PPP1R21: variants seen among roughly 807,000 people sequenced by gnomAD.
The protein encoded by PPP1R21 is KLRAQ motif containing 1.
Under a neutral mutation model 112.8 loss-of-function variants are expected in PPP1R21, and 85 were observed. The ratio of observed to expected loss-of-function variants is 0.75; its 90% confidence interval spans 0.63 to 0.90. PPP1R21 has a LOEUF of 0.90. Ranked by LOEUF, PPP1R21 falls within the 40% of genes least tolerant of loss-of-function variation. PPP1R21 has a pLI of 0.00. For synonymous variants in PPP1R21, 381 were observed against 322.3 expected, an observed-to-expected ratio of 1.18 and a Z score of -1.95; for missense variants, 1,199 against 901.5, an observed-to-expected ratio of 1.33 and a Z score of -4.23.
intron 20 of PPP1R21, among the ~76,000 whole-genome samples, chr2:48,510,916 C>A (rs1670609458): frequency 6.6e-6 from 1 of 152,236 alleles, no homozygotes; most frequent in Non-Finnish European, 1.5e-5. Context: ...ACTTTGGAGG[C>A]TGAGAAAAAC....
At chr2:48,475,124 G>T (rs1668692393) in intron 12 of PPP1R21, among the ~76,000 whole-genome samples, 1 of 152,102 alleles carries the variant, frequency 6.6e-6, no homozygotes, top group Non-Finnish European at 1.5e-5. Flanking sequence ...AGGCTGAGGT[G>T]GGAGGATGGC....
chr2:48,450,962 C>T, intron 1 of PPP1R21, 46 bp from the exon 2 acceptor site: 1 of 1,504,078 alleles, frequency 6.6e-7, no homozygotes, highest in Non-Finnish European at 9.3e-7. Context: ...TTGATATAAC[C>T]AATTGCTTTA....
intron 21 of PPP1R21, 94 bp downstream of exon 21, chr2:48,511,562 A>T (rs1670644856): frequency 6.7e-7 from 1 of 1,486,502 alleles, no homozygotes; most frequent in Non-Finnish European, 9.1e-7. Context: ...AGGACATAAG[A>T]TTTAAAGTGT....
At chr2:48,478,724 T>G (rs528969467) in intron 12 of PPP1R21, among the ~76,000 whole-genome samples, 72 of 152,216 alleles carry the variant, frequency 4.7e-4, no homozygotes, top group Non-Finnish European at 4.7e-4. Flanking sequence ...TTCTGTTTCC[T>G]GTTCTCTCTG....
intron 2 of PPP1R21, among the ~76,000 whole-genome samples, chr2:48,453,821 TGAA>T (rs1311281110): frequency 1.3e-5 from 2 of 152,258 alleles, no homozygotes; most frequent in Non-Finnish European, 2.9e-5. Flanking sequence ...TCAGAATAGT[TGAA>T]GAACAATTAA....
At chr2:48,474,072 T>G (rs892576841) in intron 11 of PPP1R21, among the ~76,000 whole-genome samples, 3 of 152,214 alleles carry the variant, frequency 2.0e-5, no homozygotes, top group Admixed American at 6.5e-5. Flanking sequence ...ATTTTAATGA[T>G]TTTTAACATT....
chr2:48,459,547 G>A (rs1229012176), intron 4 of PPP1R21, among the ~76,000 whole-genome samples: 1 of 152,128 alleles, frequency 6.6e-6, no homozygotes, highest in Non-Finnish European at 1.5e-5. Flanking sequence ...ACTCTTTTAA[G>A]CTTGAGTTTC....
chr2:48,482,518 G>C (rs1363950405), intron 13 of PPP1R21, among the ~76,000 whole-genome samples: 2 of 152,136 alleles, frequency 1.3e-5, no homozygotes, highest in Non-Finnish European at 2.9e-5. Flanking sequence ...TTGTTTTGAA[G>C]GAAACTTATT....
chr2:48,499,045 A>G (rs1451738415), intron 17 of PPP1R21, among the ~76,000 whole-genome samples: 2 of 150,470 alleles, frequency 1.3e-5, no homozygotes, highest in African/African-American at 4.9e-5. Flanking sequence ...TTGTAAGGGT[A>G]TTAATCCTAT....
chr2:48,503,649 A>C (rs1372365599), intron 17 of PPP1R21, among the ~76,000 whole-genome samples: 2 of 152,130 alleles, frequency 1.3e-5, no homozygotes, highest in African/African-American at 4.8e-5. Context: ...AATCTGTGTT[A>C]AAGGCTTTCC....
At chr2:48,507,627 A>G (rs1670443067) in intron 19 of PPP1R21, among the ~76,000 whole-genome samples, 1 of 151,970 alleles carries the variant, frequency 6.6e-6, no homozygotes, top group African/African-American at 2.4e-5. Flanking sequence ...TCGACCTCCC[A>G]AAGTGCTGGG....
In PPP1R21 at chr2:48,498,510, A is replaced by G; in HGVS notation, c.1710A>G (p.Glu570=). The change falls in exon 17 of 22, where the codon GAA becomes GAG. Residue 570 remains glutamate, a synonymous_variant. Transcript: ENST00000294952. ...TTTTCAAGGTTCAACAGAGTTTGGA[A>G]AAGATTTCTAAACTGGAGCAGGAAA... ...GLAQQVQQSL[E]KISKLEQEKE... 1 of 1,614,182 alleles carries G rather than the reference A, an allele frequency of 6.2e-7. No homozygotes were observed. The highest frequency in any genetic ancestry group is 8.5e-7 in the Non-Finnish European group (1 of 1,180,002).
chr2:48,497,228 C>T (rs1245957568), intron 16 of PPP1R21, among the ~76,000 whole-genome samples: 1 of 152,152 alleles, frequency 6.6e-6, no homozygotes, highest in Non-Finnish European at 1.5e-5. Flanking sequence ...AGCTGATGTC[C>T]ACAACAAAAC....
chr2:48,451,863 C>A (rs1014942312), intron 2 of PPP1R21, among the ~76,000 whole-genome samples: 1 of 152,168 alleles, frequency 6.6e-6, no homozygotes, highest in Non-Finnish European at 1.5e-5. Context: ...AGTAATATGT[C>A]TGAGGTGGCT....
Position 48,491,235 on chromosome 2 carries a change from A to G in PPP1R21, c.1599+65A>G, listed in dbSNP as rs762225087. On this transcript the variant is annotated intron_variant, in intron 15 of 21. Transcript: ENST00000294952. Reference sequence around the variant, plus strand: ...TCAGGAGTCATTCTAGAGAATGGCAAGAGTTTTTCTGCAGTTTATATTGTT... The same window carrying G: ...TCAGGAGTCATTCTAGAGAATGGCAGGAGTTTTTCTGCAGTTTATATTGTT... 10 of 1,537,018 alleles carry G rather than the reference A, an allele frequency of 6.5e-6. No homozygotes were observed. In the Admixed American group the frequency reaches 1.2e-4, roughly 18 times the overall value.
At chr2:48,443,606 C>T (rs1018303035) in intron 1 of PPP1R21, among the ~76,000 whole-genome samples, 5 of 152,128 alleles carry the variant, frequency 3.3e-5, no homozygotes, top group Non-Finnish European at 5.9e-5. Flanking sequence ...GGTCATCTCC[C>T]CTATTGGACC....
At position 48,449,498 on chromosome 2, in the gene PPP1R21, T is replaced by G. The variant is rs532023341; in HGVS notation, c.58-1510T>G. Reference sequence around the variant, plus strand: ...GTGGTAATGAACTGTCATCTCTAACTTTCTAAAAATAGAAGAATCTCATCT... The same window carrying G: ...GTGGTAATGAACTGTCATCTCTAACGTTCTAAAAATAGAAGAATCTCATCT... On this transcript the variant is annotated intron_variant, in intron 1 of 21. Coordinates refer to ENST00000294952, the MANE Select transcript of PPP1R21 (RefSeq NM_001135629.3). Among the ~76,000 whole-genome samples, 10 of 152,330 alleles carry G rather than the reference T, an allele frequency of 6.6e-5. No individual in the cohort carries two copies. The East Asian group carries it at 1.9e-3, about 29-fold the overall frequency.
intron 2 of PPP1R21, among the ~76,000 whole-genome samples, chr2:48,452,033 T>C (rs755449385): frequency 6.6e-6 from 1 of 152,204 alleles, no homozygotes; most frequent in Non-Finnish European, 1.5e-5. Flanking sequence ...TTCCAGGCTC[T>C]CTGCACCCAA....
chr2:48,482,862 G>A (rs1412317864), intron 13 of PPP1R21, among the ~76,000 whole-genome samples: 5 of 151,976 alleles, frequency 3.3e-5, no homozygotes, highest in Non-Finnish European at 5.9e-5. Flanking sequence ...GTGATTAGCT[G>A]CACAGATCAT....
Sources: allele counts gnomAD v4.1 joint callset (sites outside exome capture counted in the v4.1 genomes callset), GRCh38; gene constraint gnomAD v4.1.1; transcripts MANE v1.5; gene names NCBI Gene and HGNC (gene_info 2026-07-23, HGNC 2026-07-21).